ADAM32: variants seen among roughly 807,000 people sequenced by gnomAD.
The protein encoded by ADAM32 is ADAM metallopeptidase domain 32, also known as disintegrin and metalloproteinase domain-containing protein 32.
In ADAM32, 89 loss-of-function variants were observed where a neutral mutation model predicts 114.9. The observed-to-expected ratio is 0.77, with a 90% CI of 0.65 to 0.92. The LOEUF (loss-of-function observed/expected upper bound fraction) is 0.92. ADAM32 is among the 40% of genes least tolerant of loss of function. The pLI, the probability that ADAM32 is intolerant of heterozygous loss-of-function variation, is 0.00. For synonymous variants in ADAM32, 285 were observed against 307.5 expected, an observed-to-expected ratio of 0.93 and a Z score of 0.77; for missense variants, 870 against 932.8, an observed-to-expected ratio of 0.93 and a Z score of 0.88.
intron 3 of ADAM32, among the ~76,000 whole-genome samples, chr8:39,142,975 T>G (rs1803264714): frequency 6.6e-6 from 1 of 152,210 alleles, no homozygotes; most frequent in South Asian, 2.1e-4. Flanking sequence ...TCACTGATAT[T>G]GTTTCTTCCA....
intron 16 of ADAM32, among the ~76,000 whole-genome samples, chr8:39,234,487 G>C (rs942114784): frequency 5.9e-5 from 9 of 152,132 alleles, no homozygotes; most frequent in Admixed American, 6.5e-5. Context: ...TGCTTAGATA[G>C]AATCAAATAT....
chr8:39,280,958 A>AT (rs1813380475), intron 22 of ADAM32, among the ~76,000 whole-genome samples, 178 bp from the exon 23 acceptor site: 1 of 151,456 alleles, frequency 6.6e-6, no homozygotes, highest in Admixed American at 6.6e-5. Context: ...AATTTTTTGT[A>AT]TTTTTAGTAG....
intron 17 of ADAM32, among the ~76,000 whole-genome samples, chr8:39,253,364 C>G (rs781503963): frequency 1.3e-5 from 2 of 151,614 alleles, no homozygotes; most frequent in African/African-American, 2.4e-5. Context: ...AGATCTATAA[C>G]AATGCAAGGA....
At chr8:39,279,732 G>C (rs565221388) in intron 22 of ADAM32, among the ~76,000 whole-genome samples, 53 of 152,040 alleles carry the variant, frequency 3.5e-4, no homozygotes, top group Non-Finnish European at 5.3e-4. Context: ...GATTTGTGTG[G>C]AGATCCTAAA....
intron 23 of ADAM32, among the ~76,000 whole-genome samples, chr8:39,281,675 C>G (rs1020895820): frequency 6.6e-6 from 1 of 152,168 alleles, no homozygotes; most frequent in Non-Finnish European, 1.5e-5. Flanking sequence ...CCTATGTTAA[C>G]AAGGGTTCTC....
chr8:39,169,467 C>T (rs903714368), intron 9 of ADAM32: 2 of 153,232 alleles, frequency 1.3e-5, no homozygotes, highest in Non-Finnish European at 2.9e-5. Flanking sequence ...TTAAATGGCT[C>T]CTTACTCAAG....
intron 2 of ADAM32, among the ~76,000 whole-genome samples, chr8:39,131,811 A>G (rs1802475974): frequency 6.6e-6 from 1 of 152,196 alleles, no homozygotes; most frequent in African/African-American, 2.4e-5. Context: ...TACAATATAT[A>G]TATTTCCATT....
chr8:39,129,814 A>T, intron 2 of ADAM32: 2 of 310,206 alleles, frequency 6.4e-6, no homozygotes, highest in Non-Finnish European at 1.3e-5. Flanking sequence ...TCTTTTTGGG[A>T]AGATTTATAA....
At chr8:39,153,194 G>A (rs1490578117) in intron 6 of ADAM32, among the ~76,000 whole-genome samples, 1 of 152,216 alleles carries the variant, frequency 6.6e-6, no homozygotes, top group East Asian at 1.9e-4. Flanking sequence ...AAATGAGAGT[G>A]CAGTGCCAGA....
At chr8:39,238,789 T>G (rs923215139) in intron 16 of ADAM32, among the ~76,000 whole-genome samples, 5 of 152,010 alleles carry the variant, frequency 3.3e-5, no homozygotes, top group African/African-American at 1.2e-4. Flanking sequence ...CACTGGAAAG[T>G]TTCAACAATA....
chr8:39,268,901 A>G lies in ADAM32; in HGVS notation c.2163-1975A>G, dbSNP rs193013292. 3.1e-4 allele frequency among the ~76,000 whole-genome samples: 47 copies of G among 152,334 alleles called. No homozygotes were observed. The East Asian group carries it at 8.5e-3, about 27-fold the overall frequency. ...AGTACCATTCTGAGTAACTCTATCC[A>G]TCTTACTCTGAATTACCATATATTC... On this transcript the variant is annotated intron_variant, in intron 19 of 24. Coordinates refer to ENST00000379907, the MANE Select transcript of ADAM32 (RefSeq NM_145004.7).
At chr8:39,226,333 A>C (rs1204415983) in intron 14 of ADAM32, among the ~76,000 whole-genome samples, 1 of 152,174 alleles carries the variant, frequency 6.6e-6, no homozygotes, top group East Asian at 1.9e-4. Context: ...TTAAAATAAT[A>C]ATAACTGAAA....
intron 13 of ADAM32, 90 bp downstream of exon 13, chr8:39,221,792 C>T: frequency 1.4e-6 from 1 of 695,444 alleles, no homozygotes; most frequent in Non-Finnish European, 2.2e-6. Flanking sequence ...GTAATTACAT[C>T]AATTAAATTA....
chr8:39,125,108 G>GT (rs1802032133), intron 2 of ADAM32, among the ~76,000 whole-genome samples: 1 of 152,034 alleles, frequency 6.6e-6, no homozygotes, highest in Admixed American at 6.6e-5. Context: ...ATGATGTTGA[G>GT]TTTTTTTCAT....
chr8:39,233,233 C>T (rs1809865846), intron 15 of ADAM32, among the ~76,000 whole-genome samples: 1 of 152,168 alleles, frequency 6.6e-6, no homozygotes, highest in Non-Finnish European at 1.5e-5. Flanking sequence ...GCATGGACTG[C>T]TCAGCTGCTT....
intron 19 of ADAM32, among the ~76,000 whole-genome samples, chr8:39,258,401 A>G (rs542651521): frequency 2.0e-5 from 3 of 151,738 alleles, no homozygotes; most frequent in African/African-American, 7.2e-5. Context: ...TCCTTAACAT[A>G]TATCATTTCC....
Position 39,237,905 on chromosome 8 carries a change from A to G in ADAM32, c.1818+3823A>G, listed in dbSNP as rs1238008837. 2.6e-5 allele frequency among the ~76,000 whole-genome samples: 4 copies of G among 152,198 alleles called. No individual in the cohort carries two copies. The East Asian group carries it at 7.7e-4, about 29-fold the overall frequency. The stretch of plus-strand genomic sequence containing the variant: ...CTGGGTGACCTTAGGGCAAGCTTGT[A>G]TTCCCCCTATACTACTACAGCTGAT... On this transcript the variant is annotated intron_variant, in intron 16 of 24. Transcript: ENST00000379907.
At chr8:39,137,547 A>G (rs956676840) in intron 3 of ADAM32, among the ~76,000 whole-genome samples, 2 of 151,988 alleles carry the variant, frequency 1.3e-5, no homozygotes, top group African/African-American at 4.8e-5. Flanking sequence ...AGGTGGATCA[A>G]ACTCCTGAGG....
intron 3 of ADAM32, among the ~76,000 whole-genome samples, chr8:39,138,849 G>A (rs866483654): frequency 1.2e-4 from 19 of 152,146 alleles, no homozygotes; most frequent in Admixed American, 5.9e-4. Flanking sequence ...TTTCCTGACC[G>A]CTTAAAGATT....
Sources: allele counts gnomAD v4.1 joint callset (sites outside exome capture counted in the v4.1 genomes callset), GRCh38; gene constraint gnomAD v4.1.1; transcripts MANE v1.5; gene names NCBI Gene and HGNC (gene_info 2026-07-23, HGNC 2026-07-21).